The following DROSHA variants were observed in gnomAD, a reference collection of about 807,000 sequenced individuals.
The protein encoded by DROSHA is drosha ribonuclease III.
A neutral mutation model predicts 181.9 loss-of-function variants in DROSHA; 56 were observed. The observed-to-expected ratio is 0.31, with a 90% CI of 0.25 to 0.38. The LOEUF (loss-of-function observed/expected upper bound fraction) is 0.38. Ranked by LOEUF, DROSHA falls within the 10% of genes least tolerant of loss-of-function variation. DROSHA has a pLI of 1.00. For missense variants in DROSHA, 1,218 were observed against 1,743.5 expected, an observed-to-expected ratio of 0.70 and a Z score of 5.37; for synonymous variants, 524 against 591.2, an observed-to-expected ratio of 0.89 and a Z score of 1.65.
chr5:31,506,166 G>A (rs1737913410), intron 10 of DROSHA, among the ~76,000 whole-genome samples: 1 of 152,126 alleles, frequency 6.6e-6, no homozygotes, highest in Non-Finnish European at 1.5e-5. Flanking sequence ...TTCAAGACCA[G>A]CCTGGCCAAC....
chr5:31,485,007 T>C (rs1751565268), intron 14 of DROSHA, 45 bp from the exon 15 acceptor site: 1 of 1,326,840 alleles, frequency 7.5e-7, no homozygotes, highest in Non-Finnish European at 1.0e-6. Context: ...TGGCAAAATA[T>C]ACATTAACTG....
chr5:31,433,703 C>T (rs1056744408), intron 25 of DROSHA, among the ~76,000 whole-genome samples: 3 of 152,108 alleles, frequency 2.0e-5, no homozygotes, highest in African/African-American at 7.2e-5. Flanking sequence ...TGCCACCACG[C>T]CTGGCTAATT....
chr5:31,481,185 C>G (rs777307444), intron 16 of DROSHA, among the ~76,000 whole-genome samples: 1 of 151,902 alleles, frequency 6.6e-6, no homozygotes, highest in Non-Finnish European at 1.5e-5. Flanking sequence ...TATCTAATAC[C>G]AAAATGCATT....
intron 3 of DROSHA, among the ~76,000 whole-genome samples, chr5:31,530,530 C>T (rs117997905): frequency 2.0e-5 from 3 of 151,198 alleles, no homozygotes; most frequent in East Asian, 3.9e-4. Flanking sequence ...TCTTTGCTCC[C>T]GTTCTCCTCT....
intron 17 of DROSHA, among the ~76,000 whole-genome samples, chr5:31,469,373 CAAAA>C (rs895597991): frequency 6.9e-6 from 1 of 145,414 alleles, no homozygotes; most frequent in Non-Finnish European, 1.5e-5. Flanking sequence ...CAAAACAAAA[CAAAA>C]AAAAAACCCC....
At chr5:31,410,662 A>G in intron 31 of DROSHA, 84 bp downstream of exon 31, 3 of 1,497,686 alleles carry the variant, frequency 2.0e-6, no homozygotes, top group Non-Finnish European at 2.7e-6. Flanking sequence ...CCAGAACATA[A>G]TAATAATGAG....
chr5:31,493,808 G>A (rs1440536568), intron 12 of DROSHA, among the ~76,000 whole-genome samples: 1 of 152,098 alleles, frequency 6.6e-6, no homozygotes, highest in African/African-American at 2.4e-5. Flanking sequence ...ACCAAACACT[G>A]CAACAAATCA....
chr5:31,466,053 G>A (rs991553166), intron 19 of DROSHA, 129 bp downstream of exon 19: 3 of 897,766 alleles, frequency 3.3e-6, no homozygotes, highest in African/African-American at 3.4e-5. Flanking sequence ...GGGGGAGGAG[G>A]GTAAAGTATG....
At chr5:31,479,757 G>A (rs1750807096) in intron 16 of DROSHA, among the ~76,000 whole-genome samples, 1 of 151,852 alleles carries the variant, frequency 6.6e-6, no homozygotes. Flanking sequence ...CTATATATCT[G>A]TATCTGTATA....
chr5:31,510,946 A>C, intron 9 of DROSHA, 89 bp downstream of exon 9: 1 of 1,469,218 alleles, frequency 6.8e-7, no homozygotes, highest in Non-Finnish European at 9.3e-7. Flanking sequence ...AAGAAATCTC[A>C]ATGTGGGACT....
intron 27 of DROSHA, among the ~76,000 whole-genome samples, chr5:31,428,608 T>C (rs927675785): frequency 1.3e-5 from 2 of 152,212 alleles, no homozygotes; most frequent in South Asian, 2.1e-4. Context: ...GATATGAACA[T>C]TGTCCAGGTC....
At chr5:31,401,607 A>C in intron 35 of DROSHA, 45 bp from the exon 36 acceptor site, 1 of 1,234,684 alleles carries the variant, frequency 8.1e-7, no homozygotes, top group Non-Finnish European at 1.0e-6. Context: ...ATTATATTTA[A>C]TAATCTAGTG....
At chr5:31,435,705 G>T in intron 25 of DROSHA, 60 bp downstream of exon 25, 2 of 1,469,454 alleles carry the variant, frequency 1.4e-6, no homozygotes, top group South Asian at 1.2e-5. Context: ...GCAAAATTAT[G>T]CATGGACCGC....
chr5:31,424,327 G>T (rs147285904), intron 28 of DROSHA, 100 bp downstream of exon 28: 1 of 1,436,502 alleles, frequency 7.0e-7, no homozygotes, highest in African/African-American at 1.4e-5. Flanking sequence ...CCACCGAAGA[G>T]AATCAAAAGA....
At chr5:31,511,442 C>T (rs910588300) in intron 8 of DROSHA, among the ~76,000 whole-genome samples, 6 of 152,130 alleles carry the variant, frequency 3.9e-5, no homozygotes, top group Admixed American at 1.3e-4. Context: ...TGCTGGCTCA[C>T]GCCTGTAATC....
At position 31,515,524 on chromosome 5, in the gene DROSHA, T is replaced by C; in HGVS notation, c.988A>G (p.Thr330Ala). ...ATAATCTCCCCAGGTAATTCTGGTG[T>C]GCATCCAGCAGGTTCAGGAACAACC... ...LSVVPEPAGC[T>A]PELPGEIIKN... Residue 330 changes from threonine (T) to alanine (A), a missense_variant, in exon 7 of 36, where the codon ACA becomes GCA. Physicochemically the swap from Thr to Ala is moderately conservative, Grantham distance 58 (BLOSUM62 0). Coordinates refer to ENST00000344624, the MANE Select transcript of DROSHA (RefSeq NM_001382508.1). The C allele has an allele frequency of 1.3e-6, 2 of 1,538,646 alleles. No homozygotes were observed. The highest frequency in any genetic ancestry group is 1.8e-6 in the Non-Finnish European group (2 of 1,134,924).
chr5:31,520,221 C>A (rs963180477), intron 6 of DROSHA, among the ~76,000 whole-genome samples: 1 of 151,598 alleles, frequency 6.6e-6, no homozygotes, highest in Non-Finnish European at 1.5e-5. Context: ...ATTTTTTAAA[C>A]GGTTTTAAAT....
intron 23 of DROSHA, among the ~76,000 whole-genome samples, chr5:31,445,339 C>T (rs556349808): frequency 2.6e-5 from 4 of 152,284 alleles, no homozygotes; most frequent in African/African-American, 9.6e-5. Flanking sequence ...TTCCCAGATT[C>T]TTCAAAGGCC....
intron 4 of DROSHA, 96 bp downstream of exon 4, chr5:31,528,944 T>G: frequency 6.7e-7 from 1 of 1,483,728 alleles, no homozygotes; most frequent in Non-Finnish European, 9.3e-7. Flanking sequence ...CCTCTCCCCA[T>G]GTATCTAAAT....
Sources: gnomAD v4.1 joint callset for allele counts (sites outside exome capture counted in the v4.1 genomes callset) on GRCh38, gnomAD v4.1.1 for gene constraint, MANE v1.5 for transcripts, NCBI Gene and HGNC (gene_info 2026-07-23, HGNC 2026-07-21) for gene names.